Variants in NFYC observed in about 807,000 individuals in gnomAD.
The protein encoded by NFYC is nuclear transcription factor Y subunit gamma, also known as CAAT box DNA-binding protein subunit C.
A neutral mutation model predicts 53.1 loss-of-function variants in NFYC; 25 were observed. The observed-to-expected ratio is 0.47, with a 90% CI of 0.34 to 0.66. NFYC has a LOEUF of 0.66. NFYC is among the 30% of genes least tolerant of loss of function. The pLI, the probability that NFYC is intolerant of heterozygous loss-of-function variation, is 0.01. For missense variants in NFYC, 260 were observed against 422.7 expected, an observed-to-expected ratio of 0.62 and a Z score of 3.38; for synonymous variants, 145 against 152.6, an observed-to-expected ratio of 0.95 and a Z score of 0.37.
intron 2 of NFYC, among the ~76,000 whole-genome samples, chr1:40,744,917 A>G (rs1285053322): frequency 1.3e-5 from 2 of 152,216 alleles, no homozygotes; most frequent in Non-Finnish European, 2.9e-5. Flanking sequence ...AGGCTAGGAT[A>G]GGATTATAGA....
At chr1:40,733,014 C>CA (rs1553154946) in intron 1 of NFYC, among the ~76,000 whole-genome samples, 1 of 79,698 alleles carries the variant, frequency 1.3e-5, no homozygotes, top group East Asian at 5.5e-4. Context: ...ATTCGCCCCC[C>CA]CCCCCTTTTT....
chr1:40,754,729 C>T (rs12403992), intron 5 of NFYC, among the ~76,000 whole-genome samples: 2,666 of 152,260 alleles, frequency 0.018, 184 homozygotes, highest in Admixed American at 0.14. Flanking sequence ...TTTCTGTGGG[C>T]TGCCTGCTGA....
chr1:40,696,450 T>TCTTTCAGG (rs1413227854), intron 1 of NFYC, among the ~76,000 whole-genome samples: 40 of 152,226 alleles, frequency 2.6e-4, no homozygotes, highest in Admixed American at 2.4e-3. Flanking sequence ...GAACTTCAGT[T>TCTTTCAGG]CTTTCAGGCG....
At position 40,707,519 on chromosome 1, in the gene NFYC, C is replaced by T. The variant is rs1643760112; in HGVS notation, c.-9+15652C>T. 1.4e-5 allele frequency among the ~76,000 whole-genome samples: 2 copies of T among 146,970 alleles called. 1 individual carries two copies. Among genetic ancestry groups the T allele is most frequent in the South Asian group, 4.3e-4 (2 of 4,632 alleles). Reference sequence around the variant, plus strand: ...AGAGAGAGAGAGAGAAAAATTTATCCTCGTCCAGGCACAGTGGCTCACGCC... The same window carrying T: ...AGAGAGAGAGAGAGAAAAATTTATCTTCGTCCAGGCACAGTGGCTCACGCC... On this transcript the variant is annotated intron_variant, in intron 1 of 9. Transcript: ENST00000447388.
At chr1:40,693,126 G>C (rs1642929017) in intron 1 of NFYC, among the ~76,000 whole-genome samples, 1 of 152,120 alleles carries the variant, frequency 6.6e-6, no homozygotes, top group Non-Finnish European at 1.5e-5. Context: ...CCATTCCCAT[G>C]TGTACTTTGA....
chr1:40,748,781 G>C (rs1557869080), intron 3 of NFYC, among the ~76,000 whole-genome samples: 2 of 152,046 alleles, frequency 1.3e-5, no homozygotes, highest in South Asian at 2.1e-4. Flanking sequence ...CCTTTTATTA[G>C]CTCCTTTCTT....
At chr1:40,756,358 A>G (rs1411076914) in intron 5 of NFYC, among the ~76,000 whole-genome samples, 3 of 152,238 alleles carry the variant, frequency 2.0e-5, no homozygotes, top group Non-Finnish European at 2.9e-5. Context: ...CTGCCTTAGC[A>G]TAATCATATT....
intron 1 of NFYC, among the ~76,000 whole-genome samples, chr1:40,714,010 A>G (rs982412191): frequency 6.6e-6 from 1 of 152,232 alleles, no homozygotes; most frequent in Non-Finnish European, 1.5e-5. Context: ...GCTGAGAACC[A>G]GCTAGGAAGC....
intron 1 of NFYC, among the ~76,000 whole-genome samples, chr1:40,720,830 C>T (rs1156860036): frequency 6.6e-6 from 1 of 152,216 alleles, no homozygotes; most frequent in African/African-American, 2.4e-5. Flanking sequence ...GATTACGCCA[C>T]TGCACTCCAG....
At chr1:40,716,267 G>C (rs1644132176) in intron 1 of NFYC, among the ~76,000 whole-genome samples, 1 of 152,156 alleles carries the variant, frequency 6.6e-6, no homozygotes, top group East Asian at 1.9e-4. Context: ...TCAGAGGAGG[G>C]GAGACGTTCG....
intron 1 of NFYC, among the ~76,000 whole-genome samples, chr1:40,727,888 G>A (rs1476597931): frequency 6.6e-6 from 1 of 151,820 alleles, no homozygotes; most frequent in East Asian, 2.0e-4. Context: ...AAGGTTTTCA[G>A]TTTACTCAGA....
At position 40,749,675 on chromosome 1, in the gene NFYC, C is replaced by G; in HGVS notation, c.280C>G (p.Arg94Gly). Residue 94 changes from arginine to glycine, a missense_variant, in exon 4 of 10, where the codon CGG becomes GGG. Arg to Gly is a moderately radical substitution (Grantham distance 125). Coordinates refer to ENST00000447388, the MANE Select transcript of NFYC (RefSeq NM_014223.5). ...GATTCACACAGAAGATAACAAGCGC[C>G]GGACTCTACAGGTATTATTGCAGAC... ...AWIHTEDNKR[R>G]TLQRNDIAMA... 1 of 1,613,864 alleles carries G rather than the reference C, an allele frequency of 6.2e-7. No individual in the cohort carries two copies. The highest frequency in any genetic ancestry group is 8.5e-7 in the Non-Finnish European group (1 of 1,179,796).
chr1:40,734,450 C>T (rs1182175056), intron 1 of NFYC, among the ~76,000 whole-genome samples: 1 of 152,070 alleles, frequency 6.6e-6, no homozygotes, highest in African/African-American at 2.4e-5. Context: ...GCAACCTCCA[C>T]CTCCTGGGTT....
intron 1 of NFYC, chr1:40,712,366 G>T (rs1158059607): frequency 6.6e-6 from 1 of 152,084 alleles, no homozygotes; most frequent in Non-Finnish European, 1.5e-5. Flanking sequence ...AGGATGAAAT[G>T]GGTATGCTGA....
chr1:40,754,858 A>G (rs182105950), intron 5 of NFYC, among the ~76,000 whole-genome samples: 291 of 152,250 alleles, frequency 1.9e-3, no homozygotes, highest in Non-Finnish European at 3.5e-3. Context: ...TCAAAATGCT[A>G]TGATCCATCT....
At chr1:40,767,315 A>T in intron 8 of NFYC, 1 of 303,676 alleles carries the variant, frequency 3.3e-6, no homozygotes, top group Non-Finnish European at 6.4e-6. Flanking sequence ...CCTCAGACCC[A>T]AAAAAAGCAG....
intron 1 of NFYC, among the ~76,000 whole-genome samples, chr1:40,704,815 G>A (rs894959953): frequency 2.0e-5 from 3 of 152,160 alleles, no homozygotes; most frequent in Non-Finnish European, 2.9e-5. Context: ...CATAAAAAGT[G>A]GAGAATTTTA....
chr1:40,706,167 G>A lies in NFYC; in HGVS notation c.-9+14300G>A, dbSNP rs538051563. On this transcript the variant is annotated intron_variant, in intron 1 of 9. Coordinates refer to ENST00000447388, the MANE Select transcript of NFYC (RefSeq NM_014223.5). ...GGTGCTCCATGTCTTGGTAAGCAGTGTGGTGCAGCGGAAAGAGTACCACTC... is the reference window on the plus strand; with the variant it reads ...GGTGCTCCATGTCTTGGTAAGCAGTATGGTGCAGCGGAAAGAGTACCACTC... Among the ~76,000 whole-genome samples, 7 of 152,178 alleles carry A rather than the reference G, an allele frequency of 4.6e-5. No individual in the cohort carries two copies. In the East Asian group the frequency reaches 1.4e-3, roughly 29 times the overall value.
chr1:40,720,870 T>TA (rs893898336), intron 1 of NFYC, among the ~76,000 whole-genome samples: 1 of 152,036 alleles, frequency 6.6e-6, no homozygotes, highest in Non-Finnish European at 1.5e-5. Context: ...CACTGTTATT[T>TA]AAAAAAAATT....
Sources: allele counts gnomAD v4.1 joint callset (sites outside exome capture counted in the v4.1 genomes callset), GRCh38; gene constraint gnomAD v4.1.1; transcripts MANE v1.5; gene names NCBI Gene and HGNC (gene_info 2026-07-23, HGNC 2026-07-21).